The following ANO2 variants were observed in gnomAD, a reference collection of about 807,000 sequenced individuals.
ANO2 encodes the protein anoctamin-2.
ANO2 carries 101 observed loss-of-function variants against 124.2 expected under a neutral mutation model. The observed-to-expected ratio is 0.81, with a 90% confidence interval of 0.69 to 0.96. ANO2 has a LOEUF of 0.96. ANO2 is among the 40% of genes least tolerant of loss of function. The pLI is 0.00. For synonymous variants in ANO2, 486 were observed against 482.5 expected, an observed-to-expected ratio of 1.01 and a Z score of -0.09; for missense variants, 1,293 against 1,274.5, an observed-to-expected ratio of 1.01 and a Z score of -0.22.
At position 5,903,674 on chromosome 12, in the gene ANO2, T is replaced by TGTGG. The variant is rs1555181065; in HGVS notation, c.534+17362_534+17365dup. Among the ~76,000 whole-genome samples, 39 of 151,830 alleles carry TGTGG rather than the reference T, an allele frequency of 2.6e-4. 1 individual carries two copies. Among genetic ancestry groups the TGTGG allele is most frequent in the South Asian group, 1.5e-3 (7 of 4,804 alleles). On this transcript the variant is annotated intron_variant, in intron 3 of 24. Transcript: ENST00000682330. Reference sequence around the variant, plus strand: ...GTGTGTGTGTGTGTGTGTGTGTGTGTGTGGGTGTAGACAGCAAGGTCTGTG... The same window carrying TGTGG: ...GTGTGTGTGTGTGTGTGTGTGTGTGTGTGGGTGGGTGTAGACAGCAAGGTCTGTG...
At chr12:5,582,429 T>A (rs553936629) in intron 20 of ANO2, among the ~76,000 whole-genome samples, 4 of 152,340 alleles carry the variant, frequency 2.6e-5, no homozygotes, top group African/African-American at 9.6e-5. Context: ...AGTGATTTCC[T>A]GAGTTTAGGT....
chr12:5,635,335 A>C lies in ANO2; in HGVS notation c.1633T>G (p.Phe545Val). The change falls in exon 16 of 25, where the codon TTC (phenylalanine) becomes GTC (valine). Residue 545 changes from phenylalanine to valine, a missense_variant. Physicochemically the swap from Phe to Val is conservative, Grantham distance 50 (BLOSUM62 -1). Transcript: ENST00000682330. This position sits in a 1 kb window ranked among gnomAD's most constrained non-coding sequence, Gnocchi z 5.2. ...ASILFMIALT[F>V]SIVFGVIVYR... ...ACTATCACCCCAAAGACGATTGAGA[A>C]TGTCAGGGCAATCTGTTTGGGAAAA... The C allele has an allele frequency of 6.4e-7, 1 of 1,572,080 alleles. No homozygotes were observed. Among genetic ancestry groups the C allele is most frequent in the South Asian group, 1.2e-5 (1 of 83,494 alleles).
intron 3 of ANO2, among the ~76,000 whole-genome samples, chr12:5,884,412 C>A (rs1417875540): frequency 6.6e-6 from 1 of 152,234 alleles, no homozygotes; most frequent in Non-Finnish European, 1.5e-5. Context: ...CCCCCATGGC[C>A]CTATCACTGC....
At position 5,872,964 on chromosome 12, in the gene ANO2, G is replaced by A. The variant is rs537459226; in HGVS notation, c.535-18823C>T. Reference sequence around the variant, plus strand: ...CTGCTCCCTGGTGTACATGTGGCAGGTGCACATATATGTTAGTTTCCTTCA... The same window carrying A: ...CTGCTCCCTGGTGTACATGTGGCAGATGCACATATATGTTAGTTTCCTTCA... On this transcript the variant is annotated intron_variant, in intron 3 of 24. Transcript: ENST00000682330. Among the ~76,000 whole-genome samples, 29 of 152,236 alleles carry A rather than the reference G, an allele frequency of 1.9e-4. 1 individual carries two copies. In the South Asian group the frequency reaches 6.0e-3, roughly 32 times the overall value.
In ANO2 at chr12:5,615,379, T is replaced by A. The variant is rs935220785; in HGVS notation, c.1817-82A>T. 3.9e-6 allele frequency: 4 copies of A among 1,020,582 alleles called. No individual in the cohort carries two copies. The African/African-American group carries it at 6.4e-5, about 16-fold the overall frequency. 63.2% of individuals were successfully genotyped at this position (1,020,582 alleles called of 1,614,324 possible). A position where few individuals can be genotyped will look rare whatever the true frequency, so the allele number is the denominator to read the frequency against. Reference sequence around the variant, plus strand: ...GTTTTGACCTAGACATGAGCTACTATCTCTCAGCTGACTCCTTCACAGCAA... The same window carrying A: ...GTTTTGACCTAGACATGAGCTACTAACTCTCAGCTGACTCCTTCACAGCAA... On this transcript the variant is annotated intron_variant, in intron 16 of 24. Coordinates refer to ENST00000682330, the MANE Select transcript of ANO2 (RefSeq NM_001364791.2).
At chr12:5,747,536 C>T (rs1241104747) in intron 11 of ANO2, among the ~76,000 whole-genome samples, 1 of 152,116 alleles carries the variant, frequency 6.6e-6, no homozygotes, top group African/African-American at 2.4e-5. Flanking sequence ...TCCTGACTTG[C>T]CAGGCCCCAT....
intron 14 of ANO2, among the ~76,000 whole-genome samples, chr12:5,713,400 T>C (rs923929183): frequency 3.9e-5 from 6 of 152,234 alleles, no homozygotes; most frequent in African/African-American, 1.2e-4. Flanking sequence ...AGATAAACTT[T>C]AGTGTTTAAA....
chr12:5,676,413 C>T (rs920244115), intron 14 of ANO2, among the ~76,000 whole-genome samples: 2 of 152,124 alleles, frequency 1.3e-5, no homozygotes, highest in African/African-American at 2.4e-5. Context: ...AAGTATGGCT[C>T]CCTGTTCACA....
intron 7 of ANO2, among the ~76,000 whole-genome samples, 156 bp from the exon 8 acceptor site, chr12:5,807,524 T>A (rs1398142454): frequency 6.6e-6 from 1 of 152,230 alleles, no homozygotes; most frequent in East Asian, 1.9e-4. Context: ...TGTCAAGCTC[T>A]GGTTCTTAGT....
At position 5,889,697 on chromosome 12, in the gene ANO2, C is replaced by G. The variant is rs150421663; in HGVS notation, c.534+31343G>C. Among the ~76,000 whole-genome samples, 379 of 152,372 alleles carry G rather than the reference C, an allele frequency of 2.5e-3. 3 individuals carry two copies. The highest frequency in any genetic ancestry group is 8.8e-3 in the African/African-American group (364 of 41,590). On this transcript the variant is annotated intron_variant, in intron 3 of 24. Transcript: ENST00000682330. ...TGTGATATGCTGGCCACCAGACAGG[C>G]CATTAACCCAGGAATGCCAAAGTAG...
At chr12:5,647,600 A>T in intron 15 of ANO2, 127 bp downstream of exon 15, 1 of 814,800 alleles carries the variant, frequency 1.2e-6, no homozygotes, top group Non-Finnish European at 2.0e-6. Flanking sequence ...GCCCCTCTAC[A>T]CAGGACTGTG....
intron 9 of ANO2, among the ~76,000 whole-genome samples, chr12:5,804,001 C>T (rs3782656): frequency 0.38 from 58,230 of 151,982 alleles, 13,702 homozygotes; most frequent in East Asian, 0.52. Context: ...CAGGTTGGGA[C>T]ACCATGGCAA....
chr12:5,831,690 G>C (rs1954158854), intron 5 of ANO2, among the ~76,000 whole-genome samples: 1 of 152,192 alleles, frequency 6.6e-6, no homozygotes, highest in South Asian at 2.1e-4. Flanking sequence ...ATGGATAGGA[G>C]ATGGTCTCTT....
intron 23 of ANO2, among the ~76,000 whole-genome samples, chr12:5,566,318 C>T (rs530296378): frequency 5.9e-5 from 9 of 152,304 alleles, no homozygotes; most frequent in African/African-American, 2.2e-4. Flanking sequence ...ATGGTTTAAA[C>T]TACAAAATGT....
At chr12:5,759,349 T>G (rs1053505888) in intron 10 of ANO2, among the ~76,000 whole-genome samples, 1 of 152,142 alleles carries the variant, frequency 6.6e-6, no homozygotes, top group Non-Finnish European at 1.5e-5. Context: ...TCAAAGTCAT[T>G]ATATAGGATT....
intron 11 of ANO2, among the ~76,000 whole-genome samples, chr12:5,749,811 A>G (rs1406037342): frequency 6.6e-6 from 1 of 152,166 alleles, no homozygotes; most frequent in Non-Finnish European, 1.5e-5. Context: ...TCCTTACAAC[A>G]CTATGACTTA....
At chr12:5,743,150 C>G (rs1951155728) in intron 12 of ANO2, among the ~76,000 whole-genome samples, 1 of 152,078 alleles carries the variant, frequency 6.6e-6, no homozygotes. Context: ...CCACCGAGAA[C>G]AGGCCTCTCC....
intron 3 of ANO2, among the ~76,000 whole-genome samples, chr12:5,889,876 G>A (rs1484738170): frequency 1.3e-5 from 2 of 152,250 alleles, no homozygotes; most frequent in Admixed American, 1.3e-4. Context: ...CTGGTGGCCT[G>A]GAGGACTCAT....
intron 1 of ANO2, among the ~76,000 whole-genome samples, chr12:5,923,302 C>T (rs1941925115): frequency 6.9e-6 from 1 of 144,628 alleles, no homozygotes; most frequent in African/African-American, 2.5e-5. Flanking sequence ...CGTGGAGCCA[C>T]CAGCAGGAGC....
Sources: allele counts gnomAD v4.1 joint callset (sites outside exome capture counted in the v4.1 genomes callset), GRCh38; gene constraint gnomAD v4.1.1; non-coding constraint Gnocchi (gnomAD v3.1); transcripts MANE v1.5; gene names NCBI Gene and HGNC (gene_info 2026-07-23, HGNC 2026-07-21).